SNTG1: variants seen among roughly 807,000 people sequenced by gnomAD.
SNTG1 encodes syntrophin gamma 1, also known as gamma-1-syntrophin.
Under a neutral mutation model 74.7 loss-of-function variants are expected in SNTG1, and 39 were observed. The observed-to-expected ratio is 0.52, with a 90% CI of 0.40 to 0.68. The LOEUF is 0.68. Ranked by LOEUF, SNTG1 falls within the 30% of genes least tolerant of loss-of-function variation. The pLI is 0.00. For missense variants in SNTG1, 685 were observed against 609.5 expected (o/e 1.12, Z -1.30); for synonymous variants, 254 against 217.1 (o/e 1.17, Z -1.49).
intron 2 of SNTG1, among the ~76,000 whole-genome samples, chr8:50,236,974 AC>A (rs1268633136): frequency 6.6e-6 from 1 of 152,198 alleles, no homozygotes; most frequent in Non-Finnish European, 1.5e-5. Context: ...TTACAGCAAT[AC>A]CACTATCACA....
intron 2 of SNTG1, among the ~76,000 whole-genome samples, chr8:50,331,954 G>C (rs1247878439): frequency 6.6e-6 from 1 of 152,192 alleles, no homozygotes; most frequent in Non-Finnish European, 1.5e-5. Flanking sequence ...TAAGGAAAAA[G>C]ATGCAGATGG....
At chr8:50,172,792 AAC>A in intron 2 of SNTG1, among the ~76,000 whole-genome samples, 157 bp downstream of exon 2, 1 of 150,940 alleles carries the variant, frequency 6.6e-6, no homozygotes, top group African/African-American at 2.4e-5. Flanking sequence ...AAAAAAACAA[AAC>A]CTCTTGTTAT....
intron 9 of SNTG1, among the ~76,000 whole-genome samples, chr8:50,529,287 C>T (rs182380442): frequency 2.8e-4 from 43 of 151,856 alleles, no homozygotes; most frequent in Middle Eastern, 3.6e-3. Flanking sequence ...ATCAGTATAG[C>T]GAGAAAGCCT....
chr8:50,481,929 C>A (rs961680752), intron 8 of SNTG1, among the ~76,000 whole-genome samples: 1 of 152,158 alleles, frequency 6.6e-6, no homozygotes, highest in Non-Finnish European at 1.5e-5. Context: ...TCAGTCCCAG[C>A]AGTGAATGGA....
intron 1 of SNTG1, among the ~76,000 whole-genome samples, chr8:50,106,715 C>A (rs141417966): frequency 0.01 from 1,596 of 152,118 alleles, 33 homozygotes; most frequent in African/African-American, 0.036. Context: ...ATGCAGAATC[C>A]TTCTTGCATT....
At chr8:50,472,345 C>T (rs1446126759) in intron 8 of SNTG1, among the ~76,000 whole-genome samples, 1 of 152,084 alleles carries the variant, frequency 6.6e-6, no homozygotes, top group African/African-American at 2.4e-5. Flanking sequence ...AGACAGGCGC[C>T]ACATTGTAGA....
intron 2 of SNTG1, among the ~76,000 whole-genome samples, chr8:50,205,403 C>T (rs1461158349): frequency 6.6e-6 from 1 of 152,280 alleles, no homozygotes; most frequent in African/African-American, 2.4e-5. Flanking sequence ...CCTTTGCCCA[C>T]TTTTTGATGG....
At chr8:50,323,267 C>G (rs1258978864) in intron 2 of SNTG1, among the ~76,000 whole-genome samples, 2 of 152,114 alleles carry the variant, frequency 1.3e-5, no homozygotes, top group Non-Finnish European at 2.9e-5. Flanking sequence ...TGAATTTCCT[C>G]AGGTTCCCTC....
intron 8 of SNTG1, among the ~76,000 whole-genome samples, chr8:50,475,788 A>G (rs75305709): frequency 0.023 from 3,511 of 152,306 alleles, 126 homozygotes; most frequent in African/African-American, 0.077. Context: ...AAATGTGACA[A>G]CATAATATAA....
At chr8:50,745,355 A>G (rs1485814598) in intron 17 of SNTG1, among the ~76,000 whole-genome samples, 6 of 151,990 alleles carry the variant, frequency 3.9e-5, no homozygotes, top group Non-Finnish European at 8.8e-5. Flanking sequence ...ACCACTTTAC[A>G]TTCATTGGGA....
intron 4 of SNTG1, among the ~76,000 whole-genome samples, chr8:50,413,559 G>A (rs1290865079): frequency 1.3e-5 from 2 of 152,134 alleles, no homozygotes; most frequent in Non-Finnish European, 2.9e-5. Flanking sequence ...ATATCTATCT[G>A]AAGATGTATT....
intron 2 of SNTG1, among the ~76,000 whole-genome samples, chr8:50,219,967 G>C (rs1038025547): frequency 2.6e-5 from 4 of 152,054 alleles, no homozygotes; most frequent in African/African-American, 4.8e-5. Context: ...CAGGAGGGGA[G>C]AACAATCCTA....
At chr8:50,117,487 G>A (rs1485314681) in intron 1 of SNTG1, among the ~76,000 whole-genome samples, 2 of 151,958 alleles carry the variant, frequency 1.3e-5, no homozygotes, top group Non-Finnish European at 2.9e-5. Flanking sequence ...AAATGTTTAG[G>A]GTCTAATTCA....
At chr8:50,115,369 T>A (rs1231494429) in intron 1 of SNTG1, among the ~76,000 whole-genome samples, 1 of 151,162 alleles carries the variant, frequency 6.6e-6, no homozygotes, top group East Asian at 2.0e-4. Flanking sequence ...GAGTTCAAGA[T>A]CAGCCTGGCT....
At chr8:50,648,065 T>C (rs953074418) in intron 13 of SNTG1, among the ~76,000 whole-genome samples, 3 of 152,180 alleles carry the variant, frequency 2.0e-5, no homozygotes, top group African/African-American at 7.2e-5. Flanking sequence ...CTGAGACCAA[T>C]TGAAAAGAAC....
intron 13 of SNTG1, among the ~76,000 whole-genome samples, chr8:50,610,125 A>C (rs1008892357): frequency 6.6e-6 from 1 of 152,118 alleles, no homozygotes; most frequent in Non-Finnish European, 1.5e-5. Context: ...ATTGTGTCTT[A>C]TTGTAATATG....
chr8:50,241,139 G>A (rs1212062125), intron 2 of SNTG1, among the ~76,000 whole-genome samples: 4 of 152,114 alleles, frequency 2.6e-5, no homozygotes, highest in African/African-American at 4.8e-5. Context: ...AAAAAGTTCT[G>A]ATACACTTAT....
intron 2 of SNTG1, among the ~76,000 whole-genome samples, chr8:50,278,694 T>TAA (rs11391165): frequency 5.3e-5 from 8 of 151,218 alleles, no homozygotes; most frequent in Admixed American, 6.6e-5. Flanking sequence ...GAAAAAATGC[T>TAA]AAAAAAAAAT....
intron 12 of SNTG1, among the ~76,000 whole-genome samples, chr8:50,560,969 C>T (rs1470778003): frequency 1.3e-5 from 2 of 152,044 alleles, no homozygotes; most frequent in South Asian, 2.1e-4. Flanking sequence ...GGATTTGAAG[C>T]TTTTAGACTG....
Sources: gnomAD v4.1 joint callset for allele counts (sites outside exome capture counted in the v4.1 genomes callset) on GRCh38, gnomAD v4.1.1 for gene constraint, MANE v1.5 for transcripts, NCBI Gene and HGNC (gene_info 2026-07-23, HGNC 2026-07-21) for gene names.